Variants in LAMC3 observed in about 807,000 individuals in gnomAD.
LAMC3 encodes laminin subunit gamma 3.
In LAMC3, 128 loss-of-function variants were observed where a neutral mutation model predicts 173.8. The ratio of observed to expected loss-of-function variants is 0.74; its 90% CI spans 0.64 to 0.85. LAMC3 has a LOEUF of 0.85. LAMC3 is among the 40% of genes least tolerant of loss of function. The probability of loss-of-function intolerance (pLI) is 0.00; values close to 1 mark genes in which losing one functional copy is unlikely to be tolerated. For missense variants in LAMC3, 2,022 were observed against 2,156.0 expected, an observed-to-expected ratio of 0.94 and a Z score of 1.23; for synonymous variants, 897 against 909.1, an observed-to-expected ratio of 0.99 and a Z score of 0.24.
intron 1 of LAMC3, among the ~76,000 whole-genome samples, chr9:131,014,284 G>A (rs1030048946): frequency 1.3e-5 from 2 of 152,250 alleles, no homozygotes; most frequent in African/African-American, 4.8e-5. Context: ...TACATGTGCT[G>A]TGGCTTCGGC....
chr9:131,062,877 T>TAAAAAAAAAAA (rs760536917), intron 13 of LAMC3, among the ~76,000 whole-genome samples: 1 of 132,364 alleles, frequency 7.6e-6, no homozygotes. Context: ...TCAAAAAAAT[T>TAAAAAAAAAAA]AAAAAAAAAA....
chr9:131,052,285 GA>G (rs1564376783), intron 9 of LAMC3, among the ~76,000 whole-genome samples: 1 of 152,238 alleles, frequency 6.6e-6, no homozygotes. Flanking sequence ...GGTCACAGCA[GA>G]GCATGAAGCC....
At chr9:131,080,795 A>G (rs10901347) in intron 23 of LAMC3, among the ~76,000 whole-genome samples, 57,238 of 151,848 alleles carry the variant, frequency 0.38, 11,150 homozygotes, top group South Asian at 0.46. Context: ...CAGCGTGTAC[A>G]GATGCCTCAC....
rs756774508 is a variant in LAMC3, at chr9:131,068,251, C to T, written c.2747+20C>T. 2.5e-6 allele frequency: 4 copies of T among 1,603,796 alleles called. No individual in the cohort carries two copies. Among genetic ancestry groups the T allele is most frequent in the East Asian group, 2.2e-5 (1 of 44,632 alleles). Reference sequence around the variant, plus strand: ...CCGGAGGTAGGTAGGGTGAGACTGCCGGTGCCCTGGGGACCTCTCCAGGAG... The same window carrying T: ...CCGGAGGTAGGTAGGGTGAGACTGCTGGTGCCCTGGGGACCTCTCCAGGAG... On this transcript the variant is annotated intron_variant, in intron 15 of 27. Transcript: ENST00000361069.
intron 25 of LAMC3, 154 bp downstream of exon 25, chr9:131,085,877 T>A (rs965385234): frequency 2.7e-6 from 2 of 746,658 alleles, no homozygotes; most frequent in Non-Finnish European, 4.8e-6. Flanking sequence ...CGGGGGTGAG[T>A]CTGTGGGTTC....
rs770624978 is a variant in LAMC3, at chr9:131,071,652, GTGGGAGGCAAGGGGAGGCCCCCAGCGCC to G, written c.3211+30_3211+57del. 1.4e-5 allele frequency: 22 copies of G among 1,525,334 alleles called. No individual in the cohort carries two copies. In the South Asian group the frequency reaches 2.8e-4, roughly 20 times the overall value. The allele number at this position is 1,525,334 out of a possible 1,614,324, so 94.5% of individuals were successfully genotyped here. Reference sequence around the variant, plus strand: ...TACAGCAGGAGCGCAGAGCGGGAGGGTGGGAGGCAAGGGGAGGCCCCCAGCGCCTGCAGTCTGGTGTCGTTGGATGCTT... The same window carrying G: ...TACAGCAGGAGCGCAGAGCGGGAGGGTGCAGTCTGGTGTCGTTGGATGCTT... On this transcript the variant is annotated intron_variant, in intron 18 of 27. Coordinates refer to ENST00000361069, the MANE Select transcript of LAMC3 (RefSeq NM_006059.4).
intron 24 of LAMC3, among the ~76,000 whole-genome samples, chr9:131,084,522 T>A (rs1830296295): frequency 6.6e-6 from 1 of 152,150 alleles, no homozygotes; most frequent in Admixed American, 6.5e-5. Flanking sequence ...CCCTTAGAAT[T>A]TTATCTGAAA....
chr9:131,082,881 G>A (rs113646441), intron 24 of LAMC3, among the ~76,000 whole-genome samples: 1,704 of 152,254 alleles, frequency 0.011, 13 homozygotes, highest in African/African-American at 0.027. Flanking sequence ...TCCCTCCCCA[G>A]CCCTGCCCAC....
chr9:131,031,611 C>T (rs1377345751), intron 2 of LAMC3, among the ~76,000 whole-genome samples: 1 of 152,186 alleles, frequency 6.6e-6, no homozygotes, highest in African/African-American at 2.4e-5. Flanking sequence ...GAATGAGGTG[C>T]AGGAGCTGCT....
In LAMC3 at chr9:131,052,641, C is replaced by T; in HGVS notation, c.1781C>T (p.Pro594Leu). 1 of 1,613,942 alleles carries T rather than the reference C, an allele frequency of 6.2e-7. No homozygotes were observed. The highest frequency in any genetic ancestry group is 1.1e-5 in the South Asian group (1 of 91,076). Residue 594 changes from proline (P) to leucine (L), a missense_variant, in exon 10 of 28, where the codon CCC becomes CTC. By Grantham distance (98) the Pro-to-Leu change is moderately conservative (BLOSUM62 -3). Transcript: ENST00000361069. ...LSLRHSSLSG[P>L]QDAGHPREVE... is the part of the protein sequence containing the mutation. ...CTGAGGCACTCTAGCCTGTCTGGCC[C>T]CCAGGATGCCGGGCATCCCAGGGAG... is the stretch of plus-strand genomic sequence containing the variant.
chr9:131,023,650 C>G (rs1833668630), intron 1 of LAMC3, among the ~76,000 whole-genome samples: 2 of 152,126 alleles, frequency 1.3e-5, no homozygotes, highest in African/African-American at 4.8e-5. Context: ...CTCGGTTGCC[C>G]AGGTTGGAGT....
rs369272236 is a variant in LAMC3, at chr9:131,057,091, A to T, written c.2102A>T (p.Tyr701Phe). ...YKREMPQGGP[Y>F]ASCVPCTCNQ... ...AGGGAGATGCCACAGGGGGGTCCCTATGCCAGCTGTGTCCCCTGCACCTGT... is the reference window on the plus strand; with the variant it reads ...AGGGAGATGCCACAGGGGGGTCCCTTTGCCAGCTGTGTCCCCTGCACCTGT... Residue 701 changes from tyrosine (Y) to phenylalanine (F), a missense_variant, in exon 12 of 28, where the codon TAT becomes TTT. Tyr to Phe is a conservative substitution (Grantham distance 22). Coordinates refer to ENST00000361069, the MANE Select transcript of LAMC3 (RefSeq NM_006059.4). 27 of 1,614,162 alleles carry T rather than the reference A, an allele frequency of 1.7e-5. No homozygotes were observed. The highest frequency in any genetic ancestry group is 2.1e-5 in the Non-Finnish European group (25 of 1,180,022).
Position 131,087,710 on chromosome 9 carries a change from CCT to C in LAMC3, c.4378-7_4378-6del. 1 of 1,613,994 alleles carries C rather than the reference CCT, an allele frequency of 6.2e-7. No individual in the cohort carries two copies. Among genetic ancestry groups the C allele is most frequent in the Admixed American group, 1.7e-5 (1 of 60,030 alleles). On this transcript the variant is annotated splice_region_variant and splice_polypyrimidine_tract_variant and intron_variant, in intron 26 of 27. Coordinates refer to ENST00000361069, the MANE Select transcript of LAMC3 (RefSeq NM_006059.4). Reference sequence around the variant, plus strand: ...ATTCAAGCTGTTTCTTCCTCCTCCCCCTGAAAGGTGGGTGCTGGGCTGAGCGA... The same window carrying C: ...ATTCAAGCTGTTTCTTCCTCCTCCCCGAAAGGTGGGTGCTGGGCTGAGCGA...
At chr9:131,019,805 G>A (rs1833595698) in intron 1 of LAMC3, among the ~76,000 whole-genome samples, 1 of 152,012 alleles carries the variant, frequency 6.6e-6, no homozygotes, top group South Asian at 2.1e-4. Context: ...GGTGCCCATG[G>A]AGACATGGAG....
intron 20 of LAMC3, among the ~76,000 whole-genome samples, chr9:131,074,841 G>T (rs1008512435): frequency 2.0e-5 from 3 of 152,108 alleles, no homozygotes; most frequent in African/African-American, 7.2e-5. Flanking sequence ...ATTTCCTAAG[G>T]ACACACAGCT....
chr9:131,028,121 TCCTGTCAGATCAG>T (rs1305765237), intron 2 of LAMC3, among the ~76,000 whole-genome samples: 15 of 151,998 alleles, frequency 9.9e-5, no homozygotes, highest in African/African-American at 3.6e-4. Flanking sequence ...CAGATCAGCC[TCCTGTCAGATCAG>T]CCTCCTGTCA....
intron 1 of LAMC3, among the ~76,000 whole-genome samples, chr9:131,020,519 C>T (rs137982983): frequency 2.1e-3 from 313 of 152,314 alleles, no homozygotes; most frequent in African/African-American, 7.3e-3. Flanking sequence ...CCTGGGGAGA[C>T]CAAACAGTTT....
chr9:131,058,089 A>G (rs960291945), intron 12 of LAMC3, among the ~76,000 whole-genome samples: 1 of 142,664 alleles, frequency 7.0e-6, no homozygotes, highest in African/African-American at 2.7e-5. Flanking sequence ...ACTCATTCTC[A>G]CTTCTTTTTA....
intron 8 of LAMC3, among the ~76,000 whole-genome samples, chr9:131,046,180 CTTTTTT>C (rs61108655): frequency 1.7e-4 from 13 of 76,540 alleles, no homozygotes; most frequent in Admixed American, 4.7e-4. Flanking sequence ...AGTTTTGCTC[CTTTTTT>C]TTTTTTTTTT....
Sources: allele counts gnomAD v4.1 joint callset (sites outside exome capture counted in the v4.1 genomes callset), GRCh38; gene constraint gnomAD v4.1.1; transcripts MANE v1.5; gene names NCBI Gene and HGNC (gene_info 2026-07-23, HGNC 2026-07-21).